The following ADAM9 variants were observed in gnomAD, a reference collection of about 807,000 sequenced individuals.
The protein encoded by ADAM9 is disintegrin and metalloproteinase domain-containing protein 9.
ADAM9 carries 54 observed loss-of-function variants against 108.1 expected under a neutral mutation model. The ratio of observed to expected loss-of-function variants is 0.50; its 90% CI spans 0.40 to 0.63. The LOEUF is 0.63. ADAM9 is among the 20% of genes least tolerant of loss of function. The pLI is 0.00. For synonymous variants in ADAM9, 316 were observed against 336.0 expected (o/e 0.94, Z 0.65); for missense variants, 830 against 997.7 (o/e 0.83, Z 2.26).
chr8:39,068,833 C>T (rs1176813096), intron 14 of ADAM9, among the ~76,000 whole-genome samples: 1 of 151,686 alleles, frequency 6.6e-6, no homozygotes, highest in Non-Finnish European at 1.5e-5. Context: ...AGTTTCTGTG[C>T]CTGTTACTGT....
At chr8:39,038,266 G>C (rs1417598808) in intron 11 of ADAM9, among the ~76,000 whole-genome samples, 1 of 152,126 alleles carries the variant, frequency 6.6e-6, no homozygotes, top group Non-Finnish European at 1.5e-5. Context: ...AGAGTAGAAA[G>C]CCACATTCCT....
At chr8:39,000,159 GT>G (rs1564210311) in intron 1 of ADAM9, among the ~76,000 whole-genome samples, 1 of 151,886 alleles carries the variant, frequency 6.6e-6, no homozygotes, top group African/African-American at 2.4e-5. Flanking sequence ...TGCCTGGCTA[GT>G]TTTTTGTATT....
chr8:39,056,299 A>C (rs1838121526), intron 14 of ADAM9, among the ~76,000 whole-genome samples: 1 of 152,176 alleles, frequency 6.6e-6, no homozygotes, highest in African/African-American at 2.4e-5. Flanking sequence ...ATGAACAAAT[A>C]AGGACTGTTC....
chr8:39,031,791 C>T (rs1356512289), intron 11 of ADAM9, among the ~76,000 whole-genome samples: 2 of 152,208 alleles, frequency 1.3e-5, no homozygotes, highest in African/African-American at 2.4e-5. Context: ...GTGGTTTTAT[C>T]TACCTTTGGT....
At position 39,050,690 on chromosome 8, in the gene ADAM9, C is replaced by T. The variant is rs926972959; in HGVS notation, c.1303-3791C>T. Among the ~76,000 whole-genome samples, 10 of 152,164 alleles carry T rather than the reference C, an allele frequency of 6.6e-5. No individual in the cohort carries two copies. In the South Asian group the frequency reaches 1.9e-3, roughly 28 times the overall value. On this transcript the variant is annotated intron_variant, in intron 12 of 21. Coordinates refer to ENST00000487273, the MANE Select transcript of ADAM9 (RefSeq NM_003816.3). Reference sequence around the variant, plus strand: ...ACTGCCTTTTCTATTGTTGTTAGCGCTCAGTGTCTACAATATGCTGGAGCC... The same window carrying T: ...ACTGCCTTTTCTATTGTTGTTAGCGTTCAGTGTCTACAATATGCTGGAGCC...
chr8:39,057,700 GGGAGGACT>G (rs1323009008), intron 14 of ADAM9, among the ~76,000 whole-genome samples: 2 of 152,260 alleles, frequency 1.3e-5, no homozygotes, highest in East Asian at 3.9e-4. Context: ...TCTTACTTGA[GGGAGGACT>G]GGCCTTTTCG....
intron 12 of ADAM9, among the ~76,000 whole-genome samples, chr8:39,050,546 C>G (rs566101826): frequency 1.3e-5 from 2 of 151,910 alleles, no homozygotes; most frequent in Admixed American, 6.6e-5. Flanking sequence ...TGTTGAACTC[C>G]TCTGTTGCAT....
intron 11 of ADAM9, among the ~76,000 whole-genome samples, chr8:39,030,071 T>G (rs542662437): frequency 9.2e-5 from 14 of 152,318 alleles, no homozygotes; most frequent in African/African-American, 3.1e-4. Flanking sequence ...AGTGGTATGG[T>G]TGTTAAAACT....
intron 14 of ADAM9, among the ~76,000 whole-genome samples, chr8:39,065,000 G>C (rs766725259): frequency 2.6e-5 from 4 of 152,052 alleles, no homozygotes; most frequent in Non-Finnish European, 5.9e-5. Flanking sequence ...ATGTGGGTTT[G>C]TTTTTATTCA....
chr8:39,025,928 C>G (rs774738411), intron 10 of ADAM9, 44 bp downstream of exon 10: 1 of 1,553,394 alleles, frequency 6.4e-7, no homozygotes, highest in African/African-American at 1.4e-5. Flanking sequence ...TGCACTGGGA[C>G]AATATCAAGC....
At chr8:39,018,960 T>C (rs372304969) in intron 7 of ADAM9, 42 bp downstream of exon 7, 21 of 1,530,708 alleles carry the variant, frequency 1.4e-5, no homozygotes, top group Non-Finnish European at 1.8e-5. Flanking sequence ...ATGAAAAGGA[T>C]ATGAGAAGTG....
At chr8:39,054,372 T>A in intron 12 of ADAM9, 109 bp from the exon 13 acceptor site, 1 of 972,922 alleles carries the variant, frequency 1.0e-6, no homozygotes. Flanking sequence ...GGGTAACTGC[T>A]ACAATCATGT....
Position 39,077,302 on chromosome 8 carries a change from T to C in ADAM9, c.1772T>C (p.Ile591Thr). Residue 591 changes from isoleucine to threonine, a missense_variant, in exon 16 of 22, where the codon ATT becomes ACT. Physicochemically the swap from Ile to Thr is moderately conservative, Grantham distance 89 (BLOSUM62 -1). Coordinates refer to ENST00000487273, the MANE Select transcript of ADAM9 (RefSeq NM_003816.3). Reference sequence around the variant, plus strand: ...GTATTTGGAATTGTGCCTGCTATTATTCAAACGCCTAGTCGAGGCACCAAA... The same window carrying C: ...GTATTTGGAATTGTGCCTGCTATTACTCAAACGCCTAGTCGAGGCACCAAA... ...IPVFGIVPAI[I>T]QTPSRGTKCW... The C allele has an allele frequency of 6.2e-7, 1 of 1,614,196 alleles. No individual in the cohort carries two copies. Among genetic ancestry groups the C allele is most frequent in the Non-Finnish European group, 8.5e-7 (1 of 1,180,006 alleles).
At chr8:39,032,110 TA>T (rs1837114313) in intron 11 of ADAM9, among the ~76,000 whole-genome samples, 1 of 152,228 alleles carries the variant, frequency 6.6e-6, no homozygotes, top group East Asian at 1.9e-4. Context: ...GTCTCCCAGT[TA>T]GGCTACATGG....
chr8:39,072,310 C>T (rs1396385269), intron 15 of ADAM9, among the ~76,000 whole-genome samples: 2 of 152,144 alleles, frequency 1.3e-5, no homozygotes, highest in African/African-American at 4.8e-5. Flanking sequence ...ACCCATTCTA[C>T]CTCCTATGCT....
intron 11 of ADAM9, among the ~76,000 whole-genome samples, chr8:39,029,071 A>T (rs143565095): frequency 1.8e-3 from 272 of 151,658 alleles, no homozygotes; most frequent in African/African-American, 6.2e-3. Context: ...AGATAACATG[A>T]TTTCAAATTT....
In ADAM9 at chr8:39,010,129, C is replaced by T. The variant is rs560371789; in HGVS notation, c.196-1529C>T. Among the ~76,000 whole-genome samples, 4 of 151,710 alleles carry T rather than the reference C, an allele frequency of 2.6e-5. No individual in the cohort carries two copies. The South Asian group carries it at 8.3e-4, about 32-fold the overall frequency. On this transcript the variant is annotated intron_variant, in intron 2 of 21. Transcript: ENST00000487273. The stretch of plus-strand genomic sequence containing the variant: ...AGGGAAAGCCTTACGAGAAGGTAGC[C>T]CTTTAGTAAAGACTAGAAGGAGGGG...
At chr8:39,009,503 T>G (rs1295346933) in intron 2 of ADAM9, among the ~76,000 whole-genome samples, 2 of 152,140 alleles carry the variant, frequency 1.3e-5, no homozygotes, top group African/African-American at 4.8e-5. Flanking sequence ...CCTCCCAGAG[T>G]GCTGGGATTA....
At position 39,055,792 on chromosome 8, in the gene ADAM9, A is replaced by G; in HGVS notation, c.1591+20A>G. ...GCTCAAGTAAGATATCATCATTTAT[A>G]ATTGATTGCTTCGATATTATTTATT... On this transcript the variant is annotated intron_variant, in intron 14 of 21. Transcript: ENST00000487273. The G allele has an allele frequency of 4.4e-6, 7 of 1,601,780 alleles. No homozygotes were observed. Among genetic ancestry groups the G allele is most frequent in the Non-Finnish European group, 5.1e-6 (6 of 1,170,182 alleles).
Sources: allele counts gnomAD v4.1 joint callset (sites outside exome capture counted in the v4.1 genomes callset), GRCh38; gene constraint gnomAD v4.1.1; transcripts MANE v1.5; gene names NCBI Gene and HGNC (gene_info 2026-07-23, HGNC 2026-07-21).